The following ADAM22 variants were observed in gnomAD, a reference collection of about 807,000 sequenced individuals.
ADAM22 encodes disintegrin and metalloproteinase domain-containing protein 22.
ADAM22 carries 65 observed loss-of-function variants against 144.6 expected under a neutral mutation model. The ratio of observed to expected loss-of-function variants is 0.45; its 90% CI spans 0.37 to 0.55. The LOEUF (loss-of-function observed/expected upper bound fraction) is 0.55. Ranked by LOEUF, ADAM22 falls within the 20% of genes least tolerant of loss-of-function variation. The pLI is 0.00. For missense variants in ADAM22, 974 were observed against 1,184.9 expected, an observed-to-expected ratio of 0.82 and a Z score of 2.61; for synonymous variants, 391 against 412.6, an observed-to-expected ratio of 0.95 and a Z score of 0.63.
chr7:87,938,680 C>G (rs1337108944), intron 2 of ADAM22, among the ~76,000 whole-genome samples: 1 of 152,056 alleles, frequency 6.6e-6, no homozygotes, highest in Non-Finnish European at 1.5e-5. Context: ...GAGTCTCACT[C>G]TCTTGCCCAG....
chr7:88,180,958 T>G (rs1247977483), intron 27 of ADAM22, among the ~76,000 whole-genome samples: 1 of 152,140 alleles, frequency 6.6e-6, no homozygotes, highest in Non-Finnish European at 1.5e-5. Flanking sequence ...TGTACTACAC[T>G]TTTTTGGACC....
chr7:88,029,606 CCTTTT>C (rs1343697045), intron 3 of ADAM22, among the ~76,000 whole-genome samples: 1 of 151,988 alleles, frequency 6.6e-6, no homozygotes, highest in South Asian at 2.1e-4. Context: ...TCATTAATGT[CCTTTT>C]CTTTCAGATT....
rs115931541 is a variant in ADAM22, at chr7:88,068,075, A to G, written c.324-7551A>G. On this transcript the variant is annotated intron_variant, in intron 3 of 31. Coordinates refer to ENST00000413139, the MANE Select transcript of ADAM22 (RefSeq NM_001324418.2). ...ATAACAGTTTTGGCACTTTAAAAAA[A>G]GCTGAGGAATGGATGGTTAATTCTC... 3.0e-3 allele frequency among the ~76,000 whole-genome samples: 455 copies of G among 152,306 alleles called. 3 individuals carry two copies. The highest frequency in any genetic ancestry group is 0.01 in the African/African-American group (423 of 41,566).
At chr7:88,184,965 G>A (rs1234619974) in intron 29 of ADAM22, among the ~76,000 whole-genome samples, 3 of 152,202 alleles carry the variant, frequency 2.0e-5, no homozygotes, top group Admixed American at 6.5e-5. Context: ...GGAAGTGGCC[G>A]TCTGCCTGTG....
chr7:88,151,629 G>GTA (rs1166540788), intron 20 of ADAM22, among the ~76,000 whole-genome samples: 1 of 152,188 alleles, frequency 6.6e-6, no homozygotes, highest in Non-Finnish European at 1.5e-5. Context: ...TCAGCTCCAT[G>GTA]TATACTCTTC....
intron 4 of ADAM22, among the ~76,000 whole-genome samples, chr7:88,078,429 A>T (rs1815338114): frequency 6.6e-6 from 1 of 152,238 alleles, no homozygotes; most frequent in South Asian, 2.1e-4. Flanking sequence ...AAACTCTAAA[A>T]ATCAGAGTGC....
At chr7:88,067,493 G>T (rs1811570389) in intron 3 of ADAM22, among the ~76,000 whole-genome samples, 1 of 150,892 alleles carries the variant, frequency 6.6e-6, no homozygotes, top group Non-Finnish European at 1.5e-5. Context: ...TATGTTAATA[G>T]AATTTTACTA....
At chr7:88,062,538 C>G (rs1197363854) in intron 3 of ADAM22, among the ~76,000 whole-genome samples, 1 of 152,194 alleles carries the variant, frequency 6.6e-6, no homozygotes, top group Non-Finnish European at 1.5e-5. Flanking sequence ...ACCACTAAAA[C>G]TTTCTTCATA....
chr7:88,077,537 G>A (rs892455716), intron 4 of ADAM22, among the ~76,000 whole-genome samples: 1 of 152,212 alleles, frequency 6.6e-6, no homozygotes, highest in African/African-American at 2.4e-5. Context: ...AGCCAAAGCA[G>A]TGCGAGGCAT....
chr7:87,937,233 C>T (rs1157631390), intron 2 of ADAM22, among the ~76,000 whole-genome samples: 3 of 152,192 alleles, frequency 2.0e-5, no homozygotes, highest in Non-Finnish European at 4.4e-5. Context: ...GCTGGGATTA[C>T]AGGTGTGAGT....
chr7:87,999,163 C>A (rs913733674), intron 3 of ADAM22, among the ~76,000 whole-genome samples: 6 of 152,084 alleles, frequency 3.9e-5, no homozygotes, highest in Non-Finnish European at 7.4e-5. Context: ...TGTTAGTGTG[C>A]TCTCCAGATT....
chr7:88,116,016 A>G (rs980795610), intron 6 of ADAM22, among the ~76,000 whole-genome samples: 1 of 152,240 alleles, frequency 6.6e-6, no homozygotes, highest in African/African-American at 2.4e-5. Flanking sequence ...CTTCCAAGAA[A>G]CATGCATGGC....
At chr7:88,182,171 T>A in intron 29 of ADAM22, 147 bp downstream of exon 29, 1 of 667,254 alleles carries the variant, frequency 1.5e-6, no homozygotes, top group Non-Finnish European at 2.5e-6. Context: ...CTTTAAAAAT[T>A]AACCATGGCT....
intron 2 of ADAM22, among the ~76,000 whole-genome samples, chr7:87,971,680 AC>A (rs1255299426): frequency 6.6e-6 from 1 of 152,134 alleles, no homozygotes; most frequent in Non-Finnish European, 1.5e-5. Context: ...CCTTGACAGT[AC>A]CTTAGCCTGT....
chr7:88,081,131 A>G (rs937700178), intron 4 of ADAM22, among the ~76,000 whole-genome samples: 2 of 152,090 alleles, frequency 1.3e-5, no homozygotes, highest in Non-Finnish European at 2.9e-5. Context: ...ACATCAAAAA[A>G]CTTATCCACC....
intron 3 of ADAM22, among the ~76,000 whole-genome samples, chr7:87,981,043 A>T (rs1853289054): frequency 1.3e-5 from 2 of 151,480 alleles, no homozygotes; most frequent in African/African-American, 2.4e-5. Flanking sequence ...ATTCAGTCCA[A>T]TTTTTTTTTC....
At chr7:88,181,120 AC>A (rs1846923517) in intron 27 of ADAM22, among the ~76,000 whole-genome samples, 1 of 152,122 alleles carries the variant, frequency 6.6e-6, no homozygotes, top group South Asian at 2.1e-4. Context: ...CTGAGTGGAA[AC>A]CATTGCTTTA....
At chr7:87,954,865 C>G (rs1250378347) in intron 2 of ADAM22, among the ~76,000 whole-genome samples, 1 of 152,158 alleles carries the variant, frequency 6.6e-6, no homozygotes, top group Non-Finnish European at 1.5e-5. Context: ...TTTCTCTAAA[C>G]TTGTTTCATT....
At chr7:88,110,683 T>C (rs1585812225) in intron 5 of ADAM22, among the ~76,000 whole-genome samples, 1 of 142,712 alleles carries the variant, frequency 7.0e-6, no homozygotes, top group East Asian at 2.0e-4. Flanking sequence ...TCTCTTTTCT[T>C]TTTCTTTTCT....
Sources: allele counts gnomAD v4.1 joint callset (sites outside exome capture counted in the v4.1 genomes callset), GRCh38; gene constraint gnomAD v4.1.1; transcripts MANE v1.5; gene names NCBI Gene and HGNC (gene_info 2026-07-23, HGNC 2026-07-21).